RAP1GAP2: variants seen among roughly 807,000 people sequenced by gnomAD.
RAP1GAP2 encodes rap1 GTPase-activating protein 2.
A neutral mutation model predicts 95.0 loss-of-function variants in RAP1GAP2; 27 were observed. The observed-to-expected ratio is 0.28, with a 90% confidence interval of 0.21 to 0.39. RAP1GAP2 has a LOEUF of 0.39. Ranked by LOEUF, RAP1GAP2 falls within the 10% of genes least tolerant of loss-of-function variation. The probability of loss-of-function intolerance (pLI) is 1.00; values close to 1 mark genes in which losing one functional copy is unlikely to be tolerated. For synonymous variants in RAP1GAP2, 373 were observed against 380.9 expected, an observed-to-expected ratio of 0.98 and a Z score of 0.24; for missense variants, 771 against 970.0, an observed-to-expected ratio of 0.79 and a Z score of 2.72.
At position 2,809,667 on chromosome 17, in the gene RAP1GAP2, G is replaced by A. The variant is rs192194065; in HGVS notation, c.80+9117G>A. ...TGGAAGAGGCCAGAGGGCTCTGCCC[G>A]GCTCGCTGGGAGCTGGATTTGGCCA... On this transcript the variant is annotated intron_variant, in intron 2 of 24. Coordinates refer to ENST00000254695, the MANE Select transcript of RAP1GAP2 (RefSeq NM_015085.5). Among the ~76,000 whole-genome samples, 332 of 152,326 alleles carry A rather than the reference G, an allele frequency of 2.2e-3. 1 individual carries two copies. Among genetic ancestry groups the A allele is most frequent in the African/African-American group, 7.6e-3 (318 of 41,584 alleles).
Position 2,855,737 on chromosome 17 carries a change from G to A in RAP1GAP2, c.81-49547G>A, listed in dbSNP as rs987042574. Among the ~76,000 whole-genome samples the A allele has an allele frequency of 1.3e-5, 2 of 151,982 alleles. No individual in the cohort carries two copies. The highest frequency in any genetic ancestry group is 3.9e-4 in the East Asian group (2 of 5,172). On this transcript the variant is annotated intron_variant, in intron 2 of 24. Coordinates refer to ENST00000254695, the MANE Select transcript of RAP1GAP2 (RefSeq NM_015085.5). This position sits in a 1 kb window ranked among gnomAD's most constrained non-coding sequence, Gnocchi z 4.3. Reference sequence around the variant, plus strand: ...AAACAATTCTCGGGCCTCAGCCTCCGGAGTAGCTGGGACTACAAGTACCCA... The same window carrying A: ...AAACAATTCTCGGGCCTCAGCCTCCAGAGTAGCTGGGACTACAAGTACCCA...
chr17:2,836,023 A>C (rs1263116931), intron 2 of RAP1GAP2, among the ~76,000 whole-genome samples: 11 of 151,636 alleles, frequency 7.3e-5, no homozygotes. Context: ...GTGTTGGTGC[A>C]TCTGGCACTG....
intron 1 of RAP1GAP2, among the ~76,000 whole-genome samples, chr17:2,798,733 A>G (rs959572633): frequency 5.3e-5 from 8 of 152,166 alleles, no homozygotes; most frequent in South Asian, 2.1e-4. Context: ...AGTCCTCTCC[A>G]TCTCCCATCT....
At chr17:2,789,765 G>C (rs1383771197) in intron 1 of RAP1GAP2, among the ~76,000 whole-genome samples, 7 of 130,484 alleles carry the variant, frequency 5.4e-5, no homozygotes, top group African/African-American at 2.0e-4. Flanking sequence ...TTGGGCGACA[G>C]AGTGAGACTC....
At chr17:2,911,704 C>T (rs903385799) in intron 3 of RAP1GAP2, among the ~76,000 whole-genome samples, 4 of 48,884 alleles carry the variant, frequency 8.2e-5, no homozygotes, top group Admixed American at 2.3e-4. Context: ...TGGGATGGGG[C>T]GGGGTGGGGC....
At chr17:2,991,064 C>T (rs7214184) in intron 11 of RAP1GAP2, among the ~76,000 whole-genome samples, 8,176 of 151,808 alleles carry the variant, frequency 0.054, 715 homozygotes, top group African/African-American at 0.18. Context: ...AGGCTGGTCT[C>T]GAACTCCTGA....
At chr17:2,879,375 C>G (rs2073207130) in intron 2 of RAP1GAP2, among the ~76,000 whole-genome samples, 1 of 152,092 alleles carries the variant, frequency 6.6e-6, no homozygotes, top group Non-Finnish European at 1.5e-5. Context: ...CTCGGCCTCC[C>G]CAAGTGTTGG....
chr17:3,022,682 T>C (rs1300153848), intron 19 of RAP1GAP2, among the ~76,000 whole-genome samples: 2 of 152,250 alleles, frequency 1.3e-5, no homozygotes, highest in Non-Finnish European at 2.9e-5. Flanking sequence ...TTCTGCAGAT[T>C]GGCTCTTTAC....
At position 2,855,085 on chromosome 17, in the gene RAP1GAP2, C is replaced by A. The variant is rs1018408745; in HGVS notation, c.81-50199C>A. 2.6e-5 allele frequency among the ~76,000 whole-genome samples: 4 copies of A among 152,136 alleles called. No homozygotes were observed. Among genetic ancestry groups the A allele is most frequent in the African/African-American group, 9.7e-5 (4 of 41,412 alleles). The stretch of plus-strand genomic sequence containing the variant: ...GGATATGCCCACAGGTATGAACGTA[C>A]CTGGGGTGGTGGTAGGCAGGGAATA... On this transcript the variant is annotated intron_variant, in intron 2 of 24. Transcript: ENST00000254695. This position sits in a 1 kb window ranked among gnomAD's most constrained non-coding sequence, Gnocchi z 4.3.
chr17:3,015,275 G>C (rs2046719790), intron 17 of RAP1GAP2, among the ~76,000 whole-genome samples: 1 of 152,040 alleles, frequency 6.6e-6, no homozygotes, highest in Non-Finnish European at 1.5e-5. Context: ...TCAAATCAGG[G>C]GTATGAAGCT....
At chr17:2,770,664 T>C (rs999272180) in intron 2 of RAP1GAP2, among the ~76,000 whole-genome samples, 2 of 152,234 alleles carry the variant, frequency 1.3e-5, no homozygotes, top group African/African-American at 4.8e-5. Flanking sequence ...TTCTCCTCTA[T>C]AAAACGGATA....
In RAP1GAP2 at chr17:2,796,660, G is replaced by A; in HGVS notation, c.44+89G>A. ...GTGCATTGGCGGCCGTGGGAACAGA[G>A]GGGCTCGGGCTGTGCCTGAGAGCTG... On this transcript the variant is annotated intron_variant, in intron 1 of 24. Coordinates refer to ENST00000254695, the MANE Select transcript of RAP1GAP2 (RefSeq NM_015085.5). This position sits in a 1 kb window ranked among gnomAD's most constrained non-coding sequence, Gnocchi z 4.7. 1 of 1,455,948 alleles carries A rather than the reference G, an allele frequency of 6.9e-7. No homozygotes were observed. Among genetic ancestry groups the A allele is most frequent in the Non-Finnish European group, 9.4e-7 (1 of 1,060,538 alleles). 90.2% of individuals were successfully genotyped at this position (1,455,948 alleles called of 1,614,324 possible).
chr17:2,999,645 G>A (rs1045877951), intron 14 of RAP1GAP2, among the ~76,000 whole-genome samples: 7 of 152,038 alleles, frequency 4.6e-5, no homozygotes, highest in African/African-American at 1.2e-4. Flanking sequence ...GATGTGAATC[G>A]TCAGAAGAAA....
intron 11 of RAP1GAP2, among the ~76,000 whole-genome samples, 168 bp from the exon 12 acceptor site, chr17:2,991,129 C>T (rs1198267135): frequency 6.6e-6 from 1 of 152,120 alleles, no homozygotes; most frequent in Non-Finnish European, 1.5e-5. Context: ...GAGTCTCCAT[C>T]AGTCCCTCCT....
chr17:2,945,551 T>G (rs533739595), intron 3 of RAP1GAP2, among the ~76,000 whole-genome samples: 1 of 152,208 alleles, frequency 6.6e-6, no homozygotes, highest in East Asian at 1.9e-4. Context: ...TTGTTGCTAC[T>G]TCATCTTAAG....
At chr17:2,861,086 T>A (rs1567718069) in intron 2 of RAP1GAP2, among the ~76,000 whole-genome samples, 3 of 152,036 alleles carry the variant, frequency 2.0e-5, no homozygotes, top group African/African-American at 7.3e-5. Flanking sequence ...CCACAGGCCC[T>A]TTGCACCTGC....
chr17:2,814,922 G>A (rs528358487), intron 2 of RAP1GAP2, among the ~76,000 whole-genome samples: 5 of 152,212 alleles, frequency 3.3e-5, no homozygotes, highest in South Asian at 4.1e-4. Context: ...GTGGAATTGA[G>A]GAGCTTTGTT....
chr17:2,921,251 G>A (rs112099247), intron 3 of RAP1GAP2, among the ~76,000 whole-genome samples: 4 of 152,004 alleles, frequency 2.6e-5, no homozygotes, highest in African/African-American at 9.6e-5. Context: ...CCAGGCTGAA[G>A]TGCAGTGGCG....
intron 2 of RAP1GAP2, among the ~76,000 whole-genome samples, chr17:2,888,404 C>G (rs1305951603): frequency 6.6e-6 from 1 of 152,182 alleles, no homozygotes; most frequent in African/African-American, 2.4e-5. Flanking sequence ...CTGCCAACCT[C>G]TCCCTAACCC....
Sources: allele counts gnomAD v4.1 joint callset (sites outside exome capture counted in the v4.1 genomes callset), GRCh38; gene constraint gnomAD v4.1.1; non-coding constraint Gnocchi (gnomAD v3.1); transcripts MANE v1.5; gene names NCBI Gene and HGNC (gene_info 2026-07-23, HGNC 2026-07-21).